Variants in SYT9 observed in about 807,000 individuals in gnomAD.
The protein encoded by SYT9 is synaptotagmin-9.
Under a neutral mutation model 48.4 loss-of-function variants are expected in SYT9, and 22 were observed. The ratio of observed to expected loss-of-function variants is 0.45; its 90% CI spans 0.32 to 0.65. The LOEUF (loss-of-function observed/expected upper bound fraction) is 0.65, where lower values mean the gene tolerates loss of function less well. Ranked by LOEUF, SYT9 falls within the 30% of genes least tolerant of loss-of-function variation. SYT9 has a pLI of 0.03. For synonymous variants in SYT9, 265 were observed against 245.0 expected (o/e 1.08, Z -0.76); for missense variants, 577 against 622.0 (o/e 0.93, Z 0.77).
chr11:7,254,093 C>G (rs1252462011), intron 1 of SYT9, among the ~76,000 whole-genome samples: 2 of 152,194 alleles, frequency 1.3e-5, no homozygotes, highest in African/African-American at 2.4e-5. Context: ...TCTTCAGCCC[C>G]TACACCAGGC....
chr11:7,400,434 A>C (rs1309827658), intron 3 of SYT9, among the ~76,000 whole-genome samples: 1 of 152,210 alleles, frequency 6.6e-6, no homozygotes, highest in African/African-American at 2.4e-5. Flanking sequence ...GAAGTTTCTA[A>C]AATCAGTAAT....
intron 6 of SYT9, chr11:7,438,377 C>G (rs1285042346): frequency 6.6e-6 from 1 of 152,274 alleles, no homozygotes; most frequent in Non-Finnish European, 1.5e-5. Context: ...AGGGCCCCAT[C>G]TCATCTTTGT....
chr11:7,409,954 C>T lies in SYT9; in HGVS notation c.1045-6088C>T, dbSNP rs146598190. ...CATCATTGGGTTGTTTGTTTGAAATCTTTCTACTTTTTTGATGTAGGCATT... is the reference window on the plus strand; with the variant it reads ...CATCATTGGGTTGTTTGTTTGAAATTTTTCTACTTTTTTGATGTAGGCATT... On this transcript the variant is annotated intron_variant, in intron 3 of 6. Transcript: ENST00000318881. Among the ~76,000 whole-genome samples, 47 of 152,150 alleles carry T rather than the reference C, an allele frequency of 3.1e-4. 1 individual carries two copies. In the East Asian group the frequency reaches 6.9e-3, roughly 22 times the overall value.
At chr11:7,331,244 T>C (rs766159170) in intron 3 of SYT9, among the ~76,000 whole-genome samples, 2 of 58,810 alleles carry the variant, frequency 3.4e-5, no homozygotes, top group African/African-American at 5.5e-5. Context: ...TGAGGACCAA[T>C]ACCAGTCAAC....
chr11:7,454,145 CA>C, intron 6 of SYT9: 1 of 985,386 alleles, frequency 1.0e-6, no homozygotes, highest in Non-Finnish European at 1.2e-6. Context: ...ACCTGATTTC[CA>C]GCCCTTGATG....
At chr11:7,459,024 A>G (rs1848198257) in intron 6 of SYT9, among the ~76,000 whole-genome samples, 1 of 152,242 alleles carries the variant, frequency 6.6e-6, no homozygotes, top group African/African-American at 2.4e-5. Flanking sequence ...TGGACAGTGT[A>G]GAAGCAAGGA....
intron 3 of SYT9, among the ~76,000 whole-genome samples, chr11:7,335,742 C>T (rs1316384140): frequency 2.0e-5 from 3 of 152,098 alleles, no homozygotes; most frequent in African/African-American, 7.2e-5. Context: ...TTTATCCAAT[C>T]TGCCGTTGAT....
At chr11:7,328,365 G>A (rs912400687) in intron 3 of SYT9, among the ~76,000 whole-genome samples, 6 of 151,780 alleles carry the variant, frequency 4.0e-5, no homozygotes, top group Non-Finnish European at 8.8e-5. Flanking sequence ...CTTTTAAATT[G>A]TTTTGACCCC....
At chr11:7,359,056 T>A (rs1850076527) in intron 3 of SYT9, among the ~76,000 whole-genome samples, 1 of 151,186 alleles carries the variant, frequency 6.6e-6, no homozygotes, top group African/African-American at 2.4e-5. Context: ...TGTGTCCATA[T>A]GTTCTCATTG....
upstream of SYT9, chr11:7,251,871 C>A (rs1847873277): frequency 1.2e-5 from 3 of 256,290 alleles, no homozygotes. Flanking sequence ...CCCCGGCGGC[C>A]GCGAGTAGCG....
chr11:7,289,588 C>T (rs1848662485), intron 1 of SYT9, among the ~76,000 whole-genome samples: 1 of 152,224 alleles, frequency 6.6e-6, no homozygotes, highest in Non-Finnish European at 1.5e-5. Context: ...ACTGCCTGCT[C>T]ATAGCTATAG....
chr11:7,468,344 T>C lies in SYT9; in HGVS notation c.*1544T>C, dbSNP rs1848367217. 7.5e-6 allele frequency: 3 copies of C among 398,632 alleles called. No individual in the cohort carries two copies. The highest frequency in any genetic ancestry group is 1.3e-4 in the South Asian group (1 of 7,858). 24.7% of individuals were successfully genotyped at this position (398,632 alleles called of 1,614,324 possible). The stretch of plus-strand genomic sequence containing the variant: ...ACTTTGATGGCAGATCTAAGAAGGC[T>C]ATAGGCCTTTGTTTGTAGGAAGCAG... On this transcript the variant is annotated 3_prime_UTR_variant, in exon 7 of 7. Coordinates refer to ENST00000318881, the MANE Select transcript of SYT9 (RefSeq NM_175733.4).
At chr11:7,273,846 A>G (rs1848338978) in intron 1 of SYT9, among the ~76,000 whole-genome samples, 1 of 152,168 alleles carries the variant, frequency 6.6e-6, no homozygotes, top group Non-Finnish European at 1.5e-5. Flanking sequence ...TGGGAGTTGA[A>G]CAATGAGAAC....
chr11:7,320,674 A>G (rs1849321144), intron 3 of SYT9, among the ~76,000 whole-genome samples: 1 of 152,196 alleles, frequency 6.6e-6, no homozygotes, highest in Non-Finnish European at 1.5e-5. Flanking sequence ...TTTTTAAAAA[A>G]TTCTTTGTTT....
At chr11:7,466,580 G>C (rs761583219) in intron 6 of SYT9, among the ~76,000 whole-genome samples, 9 of 152,006 alleles carry the variant, frequency 5.9e-5, no homozygotes, top group Non-Finnish European at 1.2e-4. Flanking sequence ...AATTAGCCAG[G>C]TGTGGCGGCG....
intron 3 of SYT9, among the ~76,000 whole-genome samples, chr11:7,413,259 G>A (rs1413018210): frequency 6.6e-6 from 1 of 152,174 alleles, no homozygotes; most frequent in Admixed American, 6.5e-5. Context: ...GTACACAAAA[G>A]TATCTGGCCT....
At chr11:7,318,959 C>T (rs1849289548) in intron 3 of SYT9, among the ~76,000 whole-genome samples, 2 of 152,074 alleles carry the variant, frequency 1.3e-5, no homozygotes, top group South Asian at 2.1e-4. Flanking sequence ...GGCTTGGAAT[C>T]GAGGTAATTC....
At position 7,432,575 on chromosome 11, in the gene SYT9, AAAAAAAAATATATATACATATATATAT is replaced by A. The variant is rs1564901990; in HGVS notation, c.1467+11942_1467+11968del. ...AAAAAAAAAAAAAAAAAAAAAAAAA[AAAAAAAAATATATATACATATATATAT>A]ATATATATATATATATATATATATA... is the stretch of plus-strand genomic sequence containing the variant. On this transcript the variant is annotated intron_variant, in intron 6 of 6. Transcript: ENST00000318881. Among the ~76,000 whole-genome samples the A allele has an allele frequency of 2.7e-3, 30 of 11,188 alleles. 1 individual carries two copies. The highest frequency in any genetic ancestry group is 0.015 in the South Asian group (3 of 198). The allele number at this position is 11,188 out of a possible 152,430, so 7.3% of individuals were successfully genotyped here.
At chr11:7,284,471 AAATAG>A (rs1848560836) in intron 1 of SYT9, among the ~76,000 whole-genome samples, 1 of 152,144 alleles carries the variant, frequency 6.6e-6, no homozygotes, top group Admixed American at 6.5e-5. Flanking sequence ...TCCTGATATT[AAATAG>A]TGATTTGGCT....
Sources: allele counts gnomAD v4.1 joint callset (sites outside exome capture counted in the v4.1 genomes callset), GRCh38; gene constraint gnomAD v4.1.1; transcripts MANE v1.5; gene names NCBI Gene and HGNC (gene_info 2026-07-23, HGNC 2026-07-21).